Variants in KHDRBS2 observed in about 807,000 individuals in gnomAD.
The protein encoded by KHDRBS2 is KH RNA binding domain containing, signal transduction associated 2.
In KHDRBS2, 26 loss-of-function variants were observed where a neutral mutation model predicts 44.3. The observed-to-expected ratio is 0.59, with a 90% CI of 0.43 to 0.81. The LOEUF is 0.81. Ranked by LOEUF, KHDRBS2 falls within the 40% of genes least tolerant of loss-of-function variation. KHDRBS2 has a pLI of 0.00. For synonymous variants in KHDRBS2, 194 were observed against 151.1 expected (o/e 1.28, Z -2.08); for missense variants, 476 against 433.1 (o/e 1.10, Z -0.88).
At chr6:61,944,843 C>T (rs9363559) in intron 4 of KHDRBS2, among the ~76,000 whole-genome samples, 28,448 of 151,332 alleles carry the variant, frequency 0.19, 3,092 homozygotes, top group East Asian at 0.32. Context: ...GAAATCCCAG[C>T]ACTTTGGGAG....
intron 6 of KHDRBS2, among the ~76,000 whole-genome samples, chr6:61,772,660 T>C (rs1017485042): frequency 6.6e-6 from 1 of 152,146 alleles, no homozygotes; most frequent in Non-Finnish European, 1.5e-5. Context: ...TTTATTATAC[T>C]TTAAGTTTTA....
chr6:62,246,803 A>G (rs930290700), intron 1 of KHDRBS2, among the ~76,000 whole-genome samples: 6 of 152,050 alleles, frequency 3.9e-5, no homozygotes, highest in Admixed American at 1.3e-4. Flanking sequence ...TTTCAATGAA[A>G]TAAGCCAATT....
At position 62,054,962 on chromosome 6, in the gene KHDRBS2, T is replaced by C. The variant is rs144022653; in HGVS notation, c.220-6968A>G. Among the ~76,000 whole-genome samples, 200 of 152,120 alleles carry C rather than the reference T, an allele frequency of 1.3e-3. 2 individuals are homozygous for C. The highest frequency in any genetic ancestry group is 4.5e-3 in the African/African-American group (186 of 41,546). ...AATAGGCTATCCATAGTAAGAGAAA[T>C]AAAATTAATTCCTACATCATAACAG... On this transcript the variant is annotated intron_variant, in intron 2 of 8. Coordinates refer to ENST00000281156, the MANE Select transcript of KHDRBS2 (RefSeq NM_152688.4).
chr6:61,575,937 C>G, the KHDRBS2 span, among the ~76,000 whole-genome samples: 1 of 151,986 alleles, frequency 6.6e-6, no homozygotes, highest in Non-Finnish European at 1.5e-5. Flanking sequence ...ATATAATGAA[C>G]TTTGGCGAAT....
At chr6:61,557,433 G>A in the KHDRBS2 span, among the ~76,000 whole-genome samples, 1 of 152,158 alleles carries the variant, frequency 6.6e-6, no homozygotes, top group African/African-American at 2.4e-5. Flanking sequence ...CTGTAAAACA[G>A]CAATAATATT....
chr6:62,124,794 A>T (rs183309568), intron 2 of KHDRBS2, among the ~76,000 whole-genome samples: 4 of 152,186 alleles, frequency 2.6e-5, no homozygotes, highest in Non-Finnish European at 4.4e-5. Context: ...TCAATTTTTA[A>T]TTTTTTTAAT....
intron 2 of KHDRBS2, among the ~76,000 whole-genome samples, chr6:62,055,510 C>T (rs866421445): frequency 6.6e-6 from 1 of 152,064 alleles, no homozygotes; most frequent in Admixed American, 6.6e-5. Context: ...ACCATAATGG[C>T]AGTGTCTTGT....
At chr6:61,848,388 C>G (rs958391991) in intron 6 of KHDRBS2, among the ~76,000 whole-genome samples, 3 of 144,944 alleles carry the variant, frequency 2.1e-5, no homozygotes, top group Non-Finnish European at 4.5e-5. Flanking sequence ...ATGTCCAACA[C>G]TAAGATGTAT....
intron 2 of KHDRBS2, among the ~76,000 whole-genome samples, chr6:62,152,378 G>C (rs1226396519): frequency 6.6e-6 from 1 of 152,132 alleles, no homozygotes; most frequent in African/African-American, 2.4e-5. Flanking sequence ...TGTAAGGCTT[G>C]AGATAATACA....
At chr6:61,631,275 T>A in the KHDRBS2 span, among the ~76,000 whole-genome samples, 4 of 115,104 alleles carry the variant, frequency 3.5e-5, no homozygotes, top group African/African-American at 1.3e-4. Flanking sequence ...AGGAAACTTA[T>A]ATCTTTACAG....
chr6:61,574,923 G>A, the KHDRBS2 span, among the ~76,000 whole-genome samples: 1 of 152,020 alleles, frequency 6.6e-6, no homozygotes, highest in East Asian at 1.9e-4. Flanking sequence ...AAAGAGAAAA[G>A]AATGAAACTG....
the KHDRBS2 span, among the ~76,000 whole-genome samples, chr6:61,640,364 A>G: frequency 6.6e-6 from 1 of 152,098 alleles, no homozygotes; most frequent in Non-Finnish European, 1.5e-5. Flanking sequence ...AGTCATTCAT[A>G]TTGTAGGAAA....
chr6:61,564,634 C>G, the KHDRBS2 span, among the ~76,000 whole-genome samples: 1 of 152,034 alleles, frequency 6.6e-6, no homozygotes, highest in African/African-American at 2.4e-5. Context: ...AAGACAGAAG[C>G]AAGAAATATC....
At chr6:62,167,852 T>C (rs1191873767) in intron 2 of KHDRBS2, among the ~76,000 whole-genome samples, 1 of 152,166 alleles carries the variant, frequency 6.6e-6, no homozygotes, top group African/African-American at 2.4e-5. Flanking sequence ...GTAGTTTCCA[T>C]AGGAGTCGTA....
chr6:62,048,795 C>T (rs912411836), intron 2 of KHDRBS2, among the ~76,000 whole-genome samples: 12 of 151,736 alleles, frequency 7.9e-5, no homozygotes, highest in Admixed American at 1.3e-4. Context: ...ACCAAATGAC[C>T]GAGGTAATAA....
At chr6:62,001,530 G>C (rs1239974601) in intron 3 of KHDRBS2, among the ~76,000 whole-genome samples, 3 of 151,888 alleles carry the variant, frequency 2.0e-5, no homozygotes, top group Admixed American at 1.3e-4. Context: ...ACTGCCCAGG[G>C]TGGAAAAAAA....
At chr6:62,208,589 A>G (rs550171090) in intron 1 of KHDRBS2, among the ~76,000 whole-genome samples, 1 of 152,244 alleles carries the variant, frequency 6.6e-6, no homozygotes, top group Non-Finnish European at 1.5e-5. Flanking sequence ...TCTTTTGGGT[A>G]TATATTCAGA....
At chr6:61,816,150 T>A (rs1161522436) in intron 6 of KHDRBS2, among the ~76,000 whole-genome samples, 1 of 152,154 alleles carries the variant, frequency 6.6e-6, no homozygotes, top group African/African-American at 2.4e-5. Context: ...ATGTATAAAA[T>A]ACTTCCACAA....
At chr6:62,280,942 G>A (rs1166342552) in intron 1 of KHDRBS2, among the ~76,000 whole-genome samples, 1 of 152,136 alleles carries the variant, frequency 6.6e-6, no homozygotes, top group African/African-American at 2.4e-5. Flanking sequence ...GTTTTTAGGT[G>A]GTAGGAGGTT....
Sources: allele counts gnomAD v4.1 joint callset (sites outside exome capture counted in the v4.1 genomes callset), GRCh38; gene constraint gnomAD v4.1.1; transcripts MANE v1.5; gene names NCBI Gene and HGNC (gene_info 2026-07-23, HGNC 2026-07-21).